Variants in ARHGAP25 observed in about 807,000 individuals in gnomAD.
ARHGAP25 encodes Rho GTPase activating protein 25, also known as rho GTPase-activating protein 25.
In ARHGAP25, 34 loss-of-function variants were observed where a neutral mutation model predicts 71.0. The ratio of observed to expected loss-of-function variants is 0.48; its 90% CI spans 0.36 to 0.64. The LOEUF (loss-of-function observed/expected upper bound fraction) is 0.64, where lower values mean the gene tolerates loss of function less well. ARHGAP25 is among the 30% of genes least tolerant of loss of function. ARHGAP25 has a pLI of 0.00. For synonymous variants in ARHGAP25, 282 were observed against 296.5 expected (o/e 0.95, Z 0.50); for missense variants, 706 against 805.1 (o/e 0.88, Z 1.49).
intron 2 of ARHGAP25, chr2:68,710,761 C>T (rs1408862414): frequency 6.6e-6 from 1 of 152,156 alleles, no homozygotes; most frequent in Non-Finnish European, 1.5e-5. Flanking sequence ...TCACAAGGCT[C>T]AAATATTTGG....
At chr2:68,820,196 C>A (rs1681541829) in intron 9 of ARHGAP25, among the ~76,000 whole-genome samples, 1 of 152,114 alleles carries the variant, frequency 6.6e-6, no homozygotes, top group South Asian at 2.1e-4. Context: ...CAAGATCATC[C>A]CACAGTCCTT....
intron 4 of ARHGAP25, among the ~76,000 whole-genome samples, chr2:68,799,533 A>G (rs1679814133): frequency 1.3e-5 from 2 of 152,252 alleles, no homozygotes; most frequent in Non-Finnish European, 2.9e-5. Flanking sequence ...TGTTTCTGCC[A>G]GACACATTGA....
chr2:68,780,657 T>C (rs1678265807), intron 2 of ARHGAP25, among the ~76,000 whole-genome samples: 1 of 152,002 alleles, frequency 6.6e-6, no homozygotes, highest in African/African-American at 2.4e-5. Flanking sequence ...ATTTGTTCTT[T>C]CTCCTCTTCC....
At chr2:68,728,951 A>G (rs1674944269) in intron 2 of ARHGAP25, among the ~76,000 whole-genome samples, 1 of 152,256 alleles carries the variant, frequency 6.6e-6, no homozygotes, top group Non-Finnish European at 1.5e-5. Context: ...ATGCTGCAAT[A>G]TGAATGAAAC....
At chr2:68,783,092 G>A (rs753603509) in intron 3 of ARHGAP25, among the ~76,000 whole-genome samples, 3 of 152,222 alleles carry the variant, frequency 2.0e-5, no homozygotes, top group Non-Finnish European at 2.9e-5. Context: ...CAAGGTGACT[G>A]TGTGCATAAG....
intron 2 of ARHGAP25, among the ~76,000 whole-genome samples, chr2:68,726,939 T>C (rs1188739790): frequency 1.3e-5 from 2 of 152,196 alleles, no homozygotes; most frequent in Non-Finnish European, 1.5e-5. Context: ...CTGTTTTTTT[T>C]CCATATACCC....
intron 2 of ARHGAP25, among the ~76,000 whole-genome samples, chr2:68,778,216 A>T (rs7591975): frequency 0.31 from 46,654 of 152,094 alleles, 7,669 homozygotes; most frequent in Middle Eastern, 0.4. Flanking sequence ...ATTAGGCTAC[A>T]TTTATATATC....
intron 1 of ARHGAP25, among the ~76,000 whole-genome samples, chr2:68,773,056 G>C (rs549158543): frequency 1.3e-5 from 2 of 152,292 alleles, no homozygotes; most frequent in Admixed American, 1.3e-4. Context: ...AGAAGTGACT[G>C]CCAGATGGAA....
chr2:68,712,012 T>C (rs1266503243), intron 2 of ARHGAP25, among the ~76,000 whole-genome samples: 1 of 152,336 alleles, frequency 6.6e-6, no homozygotes, highest in Non-Finnish European at 1.5e-5. Context: ...TGATTTATAA[T>C]CCTTTGGTTA....
chr2:68,798,396 A>C (rs55963884), intron 4 of ARHGAP25, among the ~76,000 whole-genome samples: 4,349 of 152,214 alleles, frequency 0.029, 90 homozygotes, highest in Non-Finnish European at 0.044. Flanking sequence ...TCAGCTCCTA[A>C]CAACAGACAG....
At chr2:68,812,469 G>A (rs577761156) in intron 5 of ARHGAP25, among the ~76,000 whole-genome samples, 195 of 152,246 alleles carry the variant, frequency 1.3e-3, no homozygotes, top group South Asian at 5.6e-3. Flanking sequence ...GCTCCAGGCT[G>A]ACACACATGC....
At chr2:68,790,897 C>T (rs1679127435) in intron 4 of ARHGAP25, among the ~76,000 whole-genome samples, 1 of 152,148 alleles carries the variant, frequency 6.6e-6, no homozygotes, top group South Asian at 2.1e-4. Flanking sequence ...GCACAGTCTG[C>T]CCACCGCCTC....
intron 1 of ARHGAP25, among the ~76,000 whole-genome samples, chr2:68,769,954 T>C (rs919452932): frequency 1.3e-5 from 2 of 152,166 alleles, no homozygotes; most frequent in African/African-American, 4.8e-5. Context: ...AGGAGGGAGA[T>C]GCTGGGGGTC....
chr2:68,782,861 C>G (rs1240435813), intron 3 of ARHGAP25, among the ~76,000 whole-genome samples: 1 of 152,236 alleles, frequency 6.6e-6, no homozygotes, highest in Non-Finnish European at 1.5e-5. Flanking sequence ...GCATTTGGAA[C>G]AAGGGGAGTT....
At chr2:68,738,143 T>C (rs1160399758) in intron 1 of ARHGAP25, among the ~76,000 whole-genome samples, 1 of 152,236 alleles carries the variant, frequency 6.6e-6, no homozygotes, top group Non-Finnish European at 1.5e-5. Context: ...CTTCTTCCTG[T>C]GATCCTTTAT....
intron 4 of ARHGAP25, among the ~76,000 whole-genome samples, chr2:68,796,535 G>A (rs1679549343): frequency 6.6e-6 from 1 of 152,228 alleles, no homozygotes; most frequent in Non-Finnish European, 1.5e-5. Flanking sequence ...TATGATGTTG[G>A]TTGGGTAGGG....
chr2:68,746,202 G>A lies in ARHGAP25; in HGVS notation c.61+10942G>A, dbSNP rs76721880. Among the ~76,000 whole-genome samples, 733 of 152,132 alleles carry A rather than the reference G, an allele frequency of 4.8e-3. 7 individuals carry two copies. The highest frequency in any genetic ancestry group is 0.016 in the African/African-American group (680 of 41,480). On this transcript the variant is annotated intron_variant, in intron 1 of 10. Coordinates refer to ENST00000409202, the MANE Select transcript of ARHGAP25 (RefSeq NM_001007231.3). ...CAAGGTCTTAACACTTCCTTCTGCC[G>A]TCACTCTCACTGATAACATTCATAG...
intron 2 of ARHGAP25, among the ~76,000 whole-genome samples, chr2:68,721,121 A>C (rs1674752395): frequency 6.6e-6 from 1 of 152,340 alleles, no homozygotes; most frequent in Non-Finnish European, 1.5e-5. Flanking sequence ...TTATGTTTCA[A>C]ATAAAAATGT....
intron 4 of ARHGAP25, among the ~76,000 whole-genome samples, chr2:68,796,126 T>G (rs78052761): frequency 0.025 from 3,872 of 152,320 alleles, 171 homozygotes; most frequent in African/African-American, 0.089. Flanking sequence ...TGTTGCAGCT[T>G]TTGAATGTTT....
Sources: allele counts gnomAD v4.1 joint callset (sites outside exome capture counted in the v4.1 genomes callset), GRCh38; gene constraint gnomAD v4.1.1; transcripts MANE v1.5; gene names NCBI Gene and HGNC (gene_info 2026-07-23, HGNC 2026-07-21).